EML1: variants seen among roughly 807,000 people sequenced by gnomAD.
EML1 encodes echinoderm microtubule-associated protein-like 1.
In EML1, 27 loss-of-function variants were observed where a neutral mutation model predicts 110.4. The observed-to-expected ratio is 0.24, with a 90% CI of 0.18 to 0.34. The LOEUF (loss-of-function observed/expected upper bound fraction) is 0.34, where lower values mean the gene tolerates loss of function less well. EML1 is among the 10% of genes least tolerant of loss of function. EML1 has a pLI of 1.00. For missense variants in EML1, 741 were observed against 1,030.9 expected (o/e 0.72, Z 3.85); for synonymous variants, 344 against 385.8 (o/e 0.89, Z 1.27).
intron 5 of EML1, among the ~76,000 whole-genome samples, chr14:99,894,067 C>T (rs939260812): frequency 6.6e-6 from 1 of 152,080 alleles, no homozygotes. Flanking sequence ...TCTAGATTTT[C>T]TTTGAGCATT....
At chr14:99,752,358 C>T (rs1595237605) in intron 1 of EML1, among the ~76,000 whole-genome samples, 1 of 152,218 alleles carries the variant, frequency 6.6e-6, no homozygotes, top group African/African-American at 2.4e-5. Flanking sequence ...TCATCACCAA[C>T]GCCAGGGTCG....
intron 15 of EML1, among the ~76,000 whole-genome samples, chr14:99,916,983 C>G (rs1270540498): frequency 6.6e-6 from 1 of 152,158 alleles, no homozygotes; most frequent in Non-Finnish European, 1.5e-5. Flanking sequence ...GTGTGTTCCA[C>G]TGGATCAAAA....
intron 8 of EML1, among the ~76,000 whole-genome samples, chr14:99,900,054 A>G (rs1555402297): frequency 6.6e-6 from 1 of 152,138 alleles, no homozygotes; most frequent in Non-Finnish European, 1.5e-5. Context: ...GTTTTCTTCT[A>G]TTAAGGAAGA....
intron 17 of EML1, among the ~76,000 whole-genome samples, chr14:99,927,564 G>A (rs959560128): frequency 2.1e-4 from 32 of 152,144 alleles, no homozygotes; most frequent in African/African-American, 7.5e-4. Context: ...GATTTCCAAT[G>A]TTAGCTTTTC....
rs1204493354 is a variant in EML1 at position 99,807,810 on chromosome 14, A to G, written c.67+14267A>G. Among the ~76,000 whole-genome samples, 6 of 152,196 alleles carry G rather than the reference A, an allele frequency of 3.9e-5. No individual in the cohort carries two copies. In the South Asian group the frequency reaches 1.0e-3, roughly 26 times the overall value. On this transcript the variant is annotated intron_variant, in intron 1 of 21. Coordinates refer to ENST00000262233, the MANE Select transcript of EML1 (RefSeq NM_004434.3). ...TAGAATCAAGATGCTAGGACTTAGT[A>G]GTAAGTGTCACCTTAGTGTTGTCTT... is the stretch of plus-strand genomic sequence containing the variant.
At chr14:99,740,203 G>A (rs575703119) in intron 1 of EML1, among the ~76,000 whole-genome samples, 12 of 152,270 alleles carry the variant, frequency 7.9e-5, no homozygotes, top group South Asian at 4.1e-4. Context: ...CAGCTCCACC[G>A]TGTAACTAAG....
chr14:99,764,958 G>A (rs1189468023), intron 1 of EML1, among the ~76,000 whole-genome samples: 1 of 152,060 alleles, frequency 6.6e-6, no homozygotes, highest in Non-Finnish European at 1.5e-5. Flanking sequence ...CGTTTTTAGA[G>A]ACAGGGTCTT....
chr14:99,842,478 A>C (rs918264195), intron 1 of EML1, among the ~76,000 whole-genome samples: 2 of 152,206 alleles, frequency 1.3e-5, no homozygotes, highest in Non-Finnish European at 2.9e-5. Flanking sequence ...TTACAGGTTA[A>C]AGCAATGATT....
chr14:99,796,610 C>G (rs1486605489), intron 1 of EML1, among the ~76,000 whole-genome samples: 1 of 150,660 alleles, frequency 6.6e-6, no homozygotes, highest in Non-Finnish European at 1.5e-5. Context: ...CTACCTCAGT[C>G]TCTCAAGTAG....
At chr14:99,828,937 G>A (rs1230442286) in intron 1 of EML1, among the ~76,000 whole-genome samples, 1 of 152,024 alleles carries the variant, frequency 6.6e-6, no homozygotes, top group African/African-American at 2.4e-5. Context: ...GGAGGAAGAG[G>A]AAAGCATTGG....
intron 1 of EML1, among the ~76,000 whole-genome samples, chr14:99,759,101 G>A (rs1042877445): frequency 6.6e-6 from 1 of 152,266 alleles, no homozygotes; most frequent in African/African-American, 2.4e-5. Context: ...AGAGGGTGCT[G>A]AGGTGTAGTG....
At chr14:99,859,644 C>T (rs1375715329) in intron 2 of EML1, among the ~76,000 whole-genome samples, 1 of 152,102 alleles carries the variant, frequency 6.6e-6, no homozygotes, top group African/African-American at 2.4e-5. Flanking sequence ...TCCTTCCCCT[C>T]CTCTCCACTA....
intron 1 of EML1, among the ~76,000 whole-genome samples, chr14:99,811,327 C>T (rs1019460234): frequency 7.2e-5 from 11 of 151,794 alleles, no homozygotes; most frequent in Non-Finnish European, 1.6e-4. Context: ...ATTACAGGTT[C>T]GAGCCACTGT....
chr14:99,756,308 C>T (rs2057254195), intron 1 of EML1, among the ~76,000 whole-genome samples: 1 of 152,236 alleles, frequency 6.6e-6, no homozygotes. Context: ...ATGACCCATA[C>T]TGGTCATCGG....
chr14:99,874,807 A>T, intron 3 of EML1: 1 of 755,580 alleles, frequency 1.3e-6, no homozygotes, highest in East Asian at 3.0e-5. Flanking sequence ...TTGCGAACCA[A>T]AATGTCTTTC....
intron 1 of EML1, among the ~76,000 whole-genome samples, chr14:99,806,178 G>T (rs902167101): frequency 5.9e-5 from 9 of 152,042 alleles, no homozygotes; most frequent in Non-Finnish European, 1.2e-4. Flanking sequence ...CAAAGCCCTG[G>T]GCAAGAAGTG....
chr14:99,814,971 T>G (rs947834781), intron 1 of EML1, among the ~76,000 whole-genome samples: 4 of 152,164 alleles, frequency 2.6e-5, no homozygotes, highest in African/African-American at 9.7e-5. Context: ...ATGGAATTAC[T>G]CAGGGTCACA....
At chr14:99,888,850 C>T (rs953234039) in intron 4 of EML1, among the ~76,000 whole-genome samples, 13 of 151,162 alleles carry the variant, frequency 8.6e-5, no homozygotes, top group African/African-American at 3.2e-4. Flanking sequence ...AGTAGGAAAT[C>T]ACCTGGAGGT....
chr14:99,810,984 T>G (rs1370720347), intron 1 of EML1, among the ~76,000 whole-genome samples: 4 of 152,082 alleles, frequency 2.6e-5, no homozygotes, highest in Admixed American at 2.6e-4. Flanking sequence ...TCTGATCACA[T>G]GGTAAAGTAT....
Sources: allele counts gnomAD v4.1 joint callset (sites outside exome capture counted in the v4.1 genomes callset), GRCh38; gene constraint gnomAD v4.1.1; transcripts MANE v1.5; gene names NCBI Gene and HGNC (gene_info 2026-07-23, HGNC 2026-07-21).